The following TMEM144 variants were observed in gnomAD, a reference collection of about 807,000 sequenced individuals.
The protein encoded by TMEM144 is transmembrane protein 144.
In TMEM144, 39 loss-of-function variants were observed where a neutral mutation model predicts 43.6. That is an observed-to-expected ratio of 0.90 (90% CI 0.69 to 1.17). TMEM144 has a LOEUF of 1.17. Among genes scored for constraint, TMEM144 ranks in the 50% most tolerant of loss-of-function variants. The pLI is 0.00. For missense variants in TMEM144, 417 were observed against 411.9 expected, an observed-to-expected ratio of 1.01 and a Z score of -0.11; for synonymous variants, 154 against 133.6, an observed-to-expected ratio of 1.15 and a Z score of -1.06.
At chr4:158,224,983 TAAACTTC>T in intron 6 of TMEM144, among the ~76,000 whole-genome samples, 1 of 152,218 alleles carries the variant, frequency 6.6e-6, no homozygotes, top group East Asian at 1.9e-4. Flanking sequence ...CAGGGTGTTG[TAAACTTC>T]AATGGTTATG....
At chr4:158,250,955 C>G (rs1736171293) in intron 12 of TMEM144, among the ~76,000 whole-genome samples, 1 of 152,106 alleles carries the variant, frequency 6.6e-6, no homozygotes, top group Non-Finnish European at 1.5e-5. Context: ...GAATTTTCAC[C>G]AGAGAGGGAG....
rs1736426469 is a variant in TMEM144 at position 158,255,318 on chromosome 4, TA to T, written c.*1792del. On this transcript the variant is annotated 3_prime_UTR_variant, in exon 13 of 13. Transcript: ENST00000296529. ...CTCATTTAAATATATTTTAGAATTT[TA>T]TATTGGATAACTTTTAATTATTCTT... 1 of 151,750 alleles carries T rather than the reference TA, an allele frequency of 6.6e-6. No homozygotes were observed. Among genetic ancestry groups the T allele is most frequent in the African/African-American group, 2.4e-5 (1 of 41,398 alleles). 9.4% of individuals were successfully genotyped at this position (151,750 alleles called of 1,614,324 possible).
At chr4:158,233,828 T>C (rs1038807530) in intron 7 of TMEM144, 2 of 152,238 alleles carry the variant, frequency 1.3e-5, no homozygotes, top group East Asian at 3.8e-4. Context: ...TAAAGTTGAA[T>C]AGTAATTAGC....
At chr4:158,237,924 G>C (rs1053913170) in intron 9 of TMEM144, among the ~76,000 whole-genome samples, 4 of 152,176 alleles carry the variant, frequency 2.6e-5, no homozygotes, top group African/African-American at 9.7e-5. Flanking sequence ...TTATTTTCCA[G>C]TTAGATGATC....
intron 12 of TMEM144, among the ~76,000 whole-genome samples, chr4:158,245,052 G>A (rs1735818210): frequency 6.6e-6 from 1 of 151,806 alleles, no homozygotes; most frequent in East Asian, 1.9e-4. Flanking sequence ...ATCATCTTTG[G>A]GAATAGATGT....
intron 6 of TMEM144, among the ~76,000 whole-genome samples, chr4:158,224,607 C>T (rs1055108382): frequency 5.9e-5 from 9 of 152,126 alleles, no homozygotes; most frequent in Non-Finnish European, 1.0e-4. Flanking sequence ...CCGTAGCAAC[C>T]TTTCATCCTA....
At chr4:158,217,702 A>G (rs1734296842) in intron 5 of TMEM144, among the ~76,000 whole-genome samples, 1 of 152,208 alleles carries the variant, frequency 6.6e-6, no homozygotes, top group South Asian at 2.1e-4. Flanking sequence ...TTGTGTGACA[A>G]TTTGCTGGAC....
intron 6 of TMEM144, among the ~76,000 whole-genome samples, chr4:158,229,393 C>G (rs1734946881): frequency 6.6e-6 from 1 of 152,114 alleles, no homozygotes; most frequent in Non-Finnish European, 1.5e-5. Context: ...TCTCGGACCC[C>G]AAGAGGCACC....
At chr4:158,216,260 G>A (rs1734216879) in intron 4 of TMEM144, among the ~76,000 whole-genome samples, 1 of 152,180 alleles carries the variant, frequency 6.6e-6, no homozygotes, top group Non-Finnish European at 1.5e-5. Flanking sequence ...TGGGGAAAGA[G>A]TCCAATTTGA....
At chr4:158,245,460 G>T (rs1024156191) in intron 12 of TMEM144, among the ~76,000 whole-genome samples, 1 of 151,886 alleles carries the variant, frequency 6.6e-6, no homozygotes, top group African/African-American at 2.4e-5. Flanking sequence ...CATACTAGCT[G>T]TGTGACCTTG....
intron 12 of TMEM144, 83 bp downstream of exon 12, chr4:158,244,432 G>A: frequency 8.9e-7 from 1 of 1,122,982 alleles, no homozygotes; most frequent in Non-Finnish European, 1.3e-6. Context: ...GGCACTTTGG[G>A]AGGCCGAGGC....
rs531687356 is a variant in TMEM144 at position 158,216,668 on chromosome 4, T to A, written c.233-653T>A. Among the ~76,000 whole-genome samples the A allele has an allele frequency of 1.1e-4, 16 of 152,148 alleles. 1 individual carries two copies. The highest frequency in any genetic ancestry group is 3.9e-4 in the African/African-American group (16 of 41,494). ...CAATAAAGCAAGGGGACAAATATGT[T>A]CAAGGGAAAATCTTTAGGGGGTACC... On this transcript the variant is annotated intron_variant, in intron 4 of 12. Transcript: ENST00000296529.
chr4:158,241,125 G>GTT (rs772423595), intron 10 of TMEM144, among the ~76,000 whole-genome samples: 2 of 147,060 alleles, frequency 1.4e-5, no homozygotes, highest in African/African-American at 2.5e-5. Context: ...AATACTACAG[G>GTT]TTTTTTTTTT....
intron 12 of TMEM144, among the ~76,000 whole-genome samples, chr4:158,252,119 T>C (rs1052615063): frequency 6.6e-6 from 1 of 152,162 alleles, no homozygotes; most frequent in Non-Finnish European, 1.5e-5. Context: ...GGGAGAGATA[T>C]TAAAATCGAT....
chr4:158,220,988 T>C (rs1299662911), intron 6 of TMEM144, among the ~76,000 whole-genome samples: 1 of 152,222 alleles, frequency 6.6e-6, no homozygotes, highest in Non-Finnish European at 1.5e-5. Flanking sequence ...CTGAATAAAC[T>C]TGGAGCTTCA....
intron 9 of TMEM144, among the ~76,000 whole-genome samples, chr4:158,239,226 T>C (rs1186537780): frequency 1.3e-5 from 2 of 152,188 alleles, no homozygotes; most frequent in Non-Finnish European, 2.9e-5. Flanking sequence ...AGAAATAGGA[T>C]TTAAGACTTA....
chr4:158,213,863 C>A (rs191020517), intron 3 of TMEM144: 2 of 152,112 alleles, frequency 1.3e-5, no homozygotes, highest in East Asian at 3.9e-4. Context: ...TGGGAACTAC[C>A]CGAAGAACAA....
In TMEM144 at chr4:158,240,371, T is replaced by G. The variant is rs774410854; in HGVS notation, c.755T>G (p.Ile252Arg). 1.2e-6 allele frequency: 2 copies of G among 1,613,946 alleles called. No individual in the cohort carries two copies. The highest frequency in any genetic ancestry group is 1.7e-6 in the Non-Finnish European group (2 of 1,179,916). Residue 252 changes from isoleucine (I) to arginine (R), a missense_variant, in exon 10 of 13, where the codon ATA becomes AGA. Transcript: ENST00000296529. ...ACTGTCTACTTTCTGGCCTACTGCA[T>G]AGCCATGAAAAATAGTCCTAAACTA... Reference protein sequence around the residue: ...TSTVYFLAYCIAMKNSPKLYP... With the variant: ...TSTVYFLAYCRAMKNSPKLYP...
chr4:158,252,093 T>C (rs1736235949), intron 12 of TMEM144, among the ~76,000 whole-genome samples: 1 of 152,168 alleles, frequency 6.6e-6, no homozygotes, highest in African/African-American at 2.4e-5. Context: ...TTTCAATGAT[T>C]GAGGATTTAT....
Sources: gnomAD v4.1 joint callset for allele counts (sites outside exome capture counted in the v4.1 genomes callset) on GRCh38, gnomAD v4.1.1 for gene constraint, MANE v1.5 for transcripts, NCBI Gene and HGNC (gene_info 2026-07-23, HGNC 2026-07-21) for gene names.